The following VWA3B variants were observed in gnomAD, a reference collection of about 807,000 sequenced individuals.
VWA3B encodes von Willebrand factor A domain-containing protein 3B.
In VWA3B, 138 loss-of-function variants were observed where a neutral mutation model predicts 158.3. That is an observed-to-expected ratio of 0.87 (90% CI 0.76 to 1.00). The LOEUF is 1.00. VWA3B is among the 50% of genes least tolerant of loss of function. The probability of loss-of-function intolerance (pLI) is 0.00; values close to 1 mark genes in which losing one functional copy is unlikely to be tolerated. For synonymous variants in VWA3B, 596 were observed against 587.3 expected (o/e 1.01, Z -0.21); for missense variants, 1,555 against 1,565.1 (o/e 0.99, Z 0.11).
chr2:98,197,887 G>A (rs1041392540), intron 12 of VWA3B, among the ~76,000 whole-genome samples: 2 of 151,910 alleles, frequency 1.3e-5, no homozygotes, highest in Non-Finnish European at 2.9e-5. Context: ...TTACAGAATG[G>A]TATTTAGAAA....
intron 2 of VWA3B, among the ~76,000 whole-genome samples, chr2:98,105,388 A>T (rs1683365822): frequency 6.6e-6 from 1 of 152,216 alleles, no homozygotes; most frequent in Non-Finnish European, 1.5e-5. Flanking sequence ...CAAAATGAGG[A>T]ATTTGACATG....
chr2:98,311,901 C>A lies in VWA3B; in HGVS notation c.3604C>A (p.Arg1202=). 1.2e-6 allele frequency: 2 copies of A among 1,611,340 alleles called. No homozygotes were observed. The highest frequency in any genetic ancestry group is 1.7e-6 in the Non-Finnish European group (2 of 1,178,796). ...CACGCAGGATTCCAGAGAGCCAAGA[C>A]GAGAGAAGCCCAGGAGGAAAAAGAG... ...ADTQDSREPR[R]EKPRRKKRPA... Residue 1202 remains arginine (R), a synonymous_variant, in exon 27 of 28, where the codon CGA becomes AGA. Transcript: ENST00000477737.
At position 98,298,038 on chromosome 2, in the gene VWA3B, A is replaced by C; in HGVS notation, c.3282+7A>C. The C allele has an allele frequency of 6.5e-7, 1 of 1,548,574 alleles. No homozygotes were observed. Among genetic ancestry groups the C allele is most frequent in the South Asian group, 1.2e-5 (1 of 80,808 alleles). Reference sequence around the variant, plus strand: ...GCCCTGCCCGCTGCTCCAGGTACCCAGTCCCTGATGTGTTCTGGGGCCCCT... The same window carrying C: ...GCCCTGCCCGCTGCTCCAGGTACCCCGTCCCTGATGTGTTCTGGGGCCCCT... On this transcript the variant is annotated splice_region_variant and intron_variant, in intron 24 of 27. Coordinates refer to ENST00000477737, the MANE Select transcript of VWA3B (RefSeq NM_144992.5).
At chr2:98,327,859 G>A in the VWA3B span, among the ~76,000 whole-genome samples, 23 of 152,304 alleles carry the variant, frequency 1.5e-4, no homozygotes, top group South Asian at 8.3e-4. Flanking sequence ...TATATTCTGT[G>A]TGCTTCACGT....
chr2:98,302,661 G>A (rs1186541341), intron 25 of VWA3B, among the ~76,000 whole-genome samples: 1 of 152,158 alleles, frequency 6.6e-6, no homozygotes, highest in East Asian at 1.9e-4. Context: ...TTCCAGAAAA[G>A]GAATTGAAGC....
At position 98,187,660 on chromosome 2, in the gene VWA3B, GTGTC is replaced by G. The variant is rs1260972771; in HGVS notation, c.1312-311_1312-308del. Among the ~76,000 whole-genome samples, 109 of 102,490 alleles carry G rather than the reference GTGTC, an allele frequency of 1.1e-3. 1 individual carries two copies. Among genetic ancestry groups the G allele is most frequent in the African/African-American group, 3.5e-3 (90 of 25,652 alleles). 67.2% of individuals were successfully genotyped at this position (102,490 alleles called of 152,430 possible). On this transcript the variant is annotated intron_variant, in intron 9 of 27. Coordinates refer to ENST00000477737, the MANE Select transcript of VWA3B (RefSeq NM_144992.5). ...TCTCTCCCTCTCCCTCTCCGTCTCT[GTGTC>G]TGTGTGTGTGTGTGTGTGTGTGTGT... is the stretch of plus-strand genomic sequence containing the variant.
At chr2:98,301,713 CG>C (rs1574313200) in intron 25 of VWA3B, among the ~76,000 whole-genome samples, 1 of 152,080 alleles carries the variant, frequency 6.6e-6, no homozygotes, top group East Asian at 1.9e-4. Context: ...TCTGTTGGAT[CG>C]TTTGTCTTTT....
intron 8 of VWA3B, among the ~76,000 whole-genome samples, chr2:98,163,976 A>G (rs1260832414): frequency 6.6e-6 from 1 of 152,192 alleles, no homozygotes; most frequent in Non-Finnish European, 1.5e-5. Flanking sequence ...GCCTGGCTGA[A>G]GGCTGGGCAA....
chr2:98,286,182 C>T (rs888469681), intron 22 of VWA3B, among the ~76,000 whole-genome samples: 2 of 151,996 alleles, frequency 1.3e-5, no homozygotes, highest in South Asian at 2.1e-4. Flanking sequence ...GGGTGACTTC[C>T]CCGGAGTTTT....
chr2:98,234,394 T>A (rs1056893051), intron 16 of VWA3B, among the ~76,000 whole-genome samples: 3 of 152,166 alleles, frequency 2.0e-5, no homozygotes, highest in Non-Finnish European at 4.4e-5. Context: ...GTCCTACAAT[T>A]GCAAGGAGCT....
chr2:98,111,357 T>C (rs982771111), intron 2 of VWA3B, among the ~76,000 whole-genome samples: 2 of 152,182 alleles, frequency 1.3e-5, no homozygotes, highest in Non-Finnish European at 2.9e-5. Context: ...TTAAAAATAC[T>C]ACAGCAAACA....
chr2:98,322,105 C>G, the VWA3B span, among the ~76,000 whole-genome samples: 1 of 152,204 alleles, frequency 6.6e-6, no homozygotes, highest in Non-Finnish European at 1.5e-5. Flanking sequence ...GAGGCCTCCC[C>G]AGCCATGTGG....
At chr2:98,294,417 C>A (rs796423475) in intron 23 of VWA3B, among the ~76,000 whole-genome samples, 14 of 152,316 alleles carry the variant, frequency 9.2e-5, no homozygotes, top group African/African-American at 3.4e-4. Context: ...CAGGTCCACG[C>A]GGAAGCAGAG....
intron 6 of VWA3B, among the ~76,000 whole-genome samples, chr2:98,132,165 G>C (rs1675922469): frequency 6.6e-6 from 1 of 152,220 alleles, no homozygotes; most frequent in African/African-American, 2.4e-5. Flanking sequence ...ACCTAACGAG[G>C]CCATGCAGCC....
chr2:98,089,084 T>C (rs1009298327), intron 1 of VWA3B, among the ~76,000 whole-genome samples: 1 of 152,144 alleles, frequency 6.6e-6, no homozygotes, highest in Non-Finnish European at 1.5e-5. Context: ...CCGGCCAATA[T>C]ATCCCTTTTT....
Position 98,188,096 on chromosome 2 carries a change from G to A in VWA3B, c.1433G>A (p.Arg478Lys). Reference protein sequence around the residue: ...TKEKCKWYSERIHTALARIRR... With the variant: ...TKEKCKWYSEKIHTALARIRR... ...GAGAAGTGCAAGTGGTACAGTGAGA[G>A]AATCCACACAGCCCTGGCCCGGATC... The change falls in exon 10 of 28, where the codon AGA (arginine) becomes AAA (lysine). Residue 478 changes from arginine (R) to lysine (K), a missense_variant. Coordinates refer to ENST00000477737, the MANE Select transcript of VWA3B (RefSeq NM_144992.5). 1 of 1,613,842 alleles carries A rather than the reference G, an allele frequency of 6.2e-7. No homozygotes were observed. Among genetic ancestry groups the A allele is most frequent in the Admixed American group, 1.7e-5 (1 of 59,984 alleles).
rs1675269389 is a variant in VWA3B, at chr2:98,125,279, T to G, written c.703-2960T>G. Among the ~76,000 whole-genome samples, 1 of 152,224 alleles carries G rather than the reference T, an allele frequency of 6.6e-6. No individual in the cohort carries two copies. The highest frequency in any genetic ancestry group is 1.5e-5 in the Non-Finnish European group (1 of 68,030). On this transcript the variant is annotated intron_variant, in intron 5 of 27. Coordinates refer to ENST00000477737, the MANE Select transcript of VWA3B (RefSeq NM_144992.5). The surrounding 1 kb of genome is among the most constrained non-coding windows in gnomAD (Gnocchi z 4.1). ...GGGGTAACCACAGAAGTGAAAAAAG[T>G]GACTGTCTGGGGCCACCTTCTATTG...
chr2:98,156,490 C>A (rs556144840), intron 7 of VWA3B, among the ~76,000 whole-genome samples: 1 of 152,122 alleles, frequency 6.6e-6, no homozygotes, highest in Non-Finnish European at 1.5e-5. Flanking sequence ...GATGCCGGTG[C>A]GGGGTTGCTC....
At chr2:98,255,182 ATTTTTTTTTT>A (rs769708577) in intron 20 of VWA3B, among the ~76,000 whole-genome samples, 3 of 52,140 alleles carry the variant, frequency 5.8e-5, no homozygotes, top group Non-Finnish European at 1.0e-4. Flanking sequence ...CCCGGCTGAT[ATTTTTTTTTT>A]TTTTTTTTTT....
Sources: gnomAD v4.1 joint callset for allele counts (sites outside exome capture counted in the v4.1 genomes callset) on GRCh38, gnomAD v4.1.1 for gene constraint, Gnocchi (gnomAD v3.1) non-coding constraint, MANE v1.5 for transcripts, NCBI Gene and HGNC (gene_info 2026-07-23, HGNC 2026-07-21) for gene names.